Variants in PRMT9 observed in about 807,000 individuals in gnomAD.
PRMT9 encodes the protein protein arginine methyltransferase 9, also known as protein arginine N-methyltransferase 9.
A neutral mutation model predicts 83.2 loss-of-function variants in PRMT9; 59 were observed. The ratio of observed to expected loss-of-function variants is 0.71; its 90% CI spans 0.57 to 0.88. The LOEUF is 0.88. PRMT9 is among the 40% of genes least tolerant of loss of function. The probability of loss-of-function intolerance (pLI) is 0.00; values close to 1 mark genes in which losing one functional copy is unlikely to be tolerated. For synonymous variants in PRMT9, 333 were observed against 353.2 expected (o/e 0.94, Z 0.64); for missense variants, 947 against 1,021.9 (o/e 0.93, Z 1.00).
intron 2 of PRMT9, among the ~76,000 whole-genome samples, chr4:147,678,136 AGATT>A (rs1736217339): frequency 6.6e-6 from 1 of 152,232 alleles, no homozygotes; most frequent in Admixed American, 6.5e-5. Flanking sequence ...CAAAGGTAGC[AGATT>A]GATTGTTAAG....
At chr4:147,641,061 T>G (rs1733366508) in intron 10 of PRMT9, among the ~76,000 whole-genome samples, 2 of 152,188 alleles carry the variant, frequency 1.3e-5, no homozygotes, top group Admixed American at 1.3e-4. Flanking sequence ...CCACTTTCAC[T>G]GCTACCACTC....
chr4:147,681,345 C>T (rs1049432705), intron 1 of PRMT9, among the ~76,000 whole-genome samples: 4 of 152,348 alleles, frequency 2.6e-5, no homozygotes, highest in Middle Eastern at 3.4e-3. Context: ...CTGCATCTCC[C>T]TCCATCCATT....
intron 6 of PRMT9, among the ~76,000 whole-genome samples, chr4:147,665,260 A>C (rs1409103149): frequency 6.6e-6 from 1 of 152,050 alleles, no homozygotes; most frequent in Non-Finnish European, 1.5e-5. Flanking sequence ...CCATTGATTT[A>C]GGATCTATTG....
Position 147,683,947 on chromosome 4 carries a change from C to A in PRMT9, c.41G>T (p.Gly14Val), listed in dbSNP as rs770861513. The A allele has an allele frequency of 1.9e-6, 3 of 1,612,828 alleles. No homozygotes were observed. The highest frequency in any genetic ancestry group is 2.7e-5 in the African/African-American group (2 of 74,922). Residue 14 changes from glycine (G) to valine (V), a missense_variant, in exon 1 of 12, where the codon GGT (glycine) becomes GTT (valine). By Grantham distance (109) the Gly-to-Val change is moderately radical. Coordinates refer to ENST00000322396, the MANE Select transcript of PRMT9 (RefSeq NM_138364.4). ...SRPRSRRDAG[G>V]GAGAAGRDEL... ...GTCCCGGCCGGCTGCCCCAGCGCCA[C>A]CCCCGGCGTCTCGGCGGGACCTGGG...
rs745923861 is a variant in PRMT9, at chr4:147,683,935, G to A, written c.53C>T (p.Ala18Val). The A allele has an allele frequency of 6.2e-7, 1 of 1,612,894 alleles. No individual in the cohort carries two copies. The highest frequency in any genetic ancestry group is 1.1e-5 in the South Asian group (1 of 91,060). The change falls in exon 1 of 12, where the codon GCA (alanine) becomes GTA (valine). Residue 18 changes from alanine (A) to valine (V), a missense_variant. Ala to Val is a moderately conservative substitution (Grantham distance 64, BLOSUM62 0). Coordinates refer to ENST00000322396, the MANE Select transcript of PRMT9 (RefSeq NM_138364.4). ...CGACACCAGCTCGTCCCGGCCGGCT[G>A]CCCCAGCGCCACCCCCGGCGTCTCG... Reference protein sequence around the residue: ...SRRDAGGGAGAAGRDELVSRS... With the variant: ...SRRDAGGGAGVAGRDELVSRS...
At chr4:147,673,985 A>C in intron 2 of PRMT9, 111 bp from the exon 3 acceptor site, 1 of 830,700 alleles carries the variant, frequency 1.2e-6, no homozygotes. Flanking sequence ...AGCACCCCAA[A>C]TCCTGCCAAT....
chr4:147,654,624 C>G, intron 8 of PRMT9, 58 bp from the exon 9 acceptor site: 1 of 1,067,928 alleles, frequency 9.4e-7, no homozygotes. Flanking sequence ...CAGAGGATCA[C>G]ATAAACATCT....
In PRMT9 at chr4:147,675,381, A is replaced by G. The variant is rs1296574506; in HGVS notation, c.339-1507T>C. Among the ~76,000 whole-genome samples, 9 of 152,246 alleles carry G rather than the reference A, an allele frequency of 5.9e-5. No individual in the cohort carries two copies. In the East Asian group the frequency reaches 1.7e-3, roughly 29 times the overall value. On this transcript the variant is annotated intron_variant, in intron 2 of 11. Coordinates refer to ENST00000322396, the MANE Select transcript of PRMT9 (RefSeq NM_138364.4). ...CACTCTAACAAAAAACAATGGTCCT[A>G]TGTCAAATAAGAGACATTCATGATT...
At chr4:147,669,034 C>T (rs895022578) in intron 5 of PRMT9, among the ~76,000 whole-genome samples, 1 of 151,664 alleles carries the variant, frequency 6.6e-6, no homozygotes, top group South Asian at 2.1e-4. Context: ...TGCAGTGAGC[C>T]GAGATCACGC....
Position 147,657,853 on chromosome 4 carries a change from G to C in PRMT9, c.1269C>G (p.Ser423=), listed in dbSNP as rs1353430765. Residue 423 remains serine, a synonymous_variant, in exon 8 of 12, where the codon TCC becomes TCG. Coordinates refer to ENST00000322396, the MANE Select transcript of PRMT9 (RefSeq NM_138364.4). ...AACATGTTTCCTCACTAGGACTTGT[G>C]GATAAACTATGTTCATCATCAAGCT... ...VLQLDDEHSL[S]TSPSEETCWE... is the part of the protein sequence containing the mutation. 6.2e-7 allele frequency: 1 copy of C among 1,609,808 alleles called. No homozygotes were observed. The highest frequency in any genetic ancestry group is 8.5e-7 in the Non-Finnish European group (1 of 1,179,164).
chr4:147,664,424 A>C (rs1017295533), intron 6 of PRMT9, among the ~76,000 whole-genome samples: 1 of 152,170 alleles, frequency 6.6e-6, no homozygotes, highest in African/African-American at 2.4e-5. Context: ...CATGTCACTG[A>C]CATTTTTTAA....
chr4:147,664,309 CAT>C (rs775082613), intron 6 of PRMT9, among the ~76,000 whole-genome samples: 5 of 152,180 alleles, frequency 3.3e-5, no homozygotes, highest in Non-Finnish European at 5.9e-5. Flanking sequence ...TCAAAATATA[CAT>C]ATATAGTTTT....
At chr4:147,683,211 C>G (rs1401658813) in intron 1 of PRMT9, among the ~76,000 whole-genome samples, 1 of 152,186 alleles carries the variant, frequency 6.6e-6, no homozygotes, top group Non-Finnish European at 1.5e-5. Flanking sequence ...TCCAAAAGCC[C>G]TCAAGCCAGG....
chr4:147,681,783 TAAAAAAAAA>T (rs11291426), intron 1 of PRMT9, among the ~76,000 whole-genome samples: 1 of 143,118 alleles, frequency 7.0e-6, no homozygotes, highest in Non-Finnish European at 1.5e-5. Context: ...TGAGACTCTA[TAAAAAAAAA>T]AAAAACCCCG....
chr4:147,672,448 T>G (rs1403622595), intron 4 of PRMT9, among the ~76,000 whole-genome samples: 1 of 152,262 alleles, frequency 6.6e-6, no homozygotes. Context: ...CCTTGTGATA[T>G]GGATCGGAGT....
Position 147,683,880 on chromosome 4 carries a change from C to G in PRMT9, c.108G>C (p.Leu36=), listed in dbSNP as rs976737532. ...SRSLQSAEHC[L]GVQDFGTAYA... is the part of the protein sequence containing the mutation. ...AGGCAGTGCCGAAGTCCTGGACGCC[C>G]AGACAGTGCTCTGCGCTCTGCAAGG... The change falls in exon 1 of 12, where the codon CTG becomes CTC. Residue 36 remains leucine (L), a synonymous_variant. Coordinates refer to ENST00000322396, the MANE Select transcript of PRMT9 (RefSeq NM_138364.4). The G allele has an allele frequency of 3.7e-6, 6 of 1,613,558 alleles. No homozygotes were observed. The Admixed American group carries it at 6.7e-5, about 18-fold the overall frequency.
rs549158690 is a variant in PRMT9 at position 147,649,583 on chromosome 4, A to T, written c.2045+4269T>A. Among the ~76,000 whole-genome samples, 453 of 151,906 alleles carry T rather than the reference A, an allele frequency of 3.0e-3. 4 individuals carry two copies. The highest frequency in any genetic ancestry group is 4.8e-3 in the Non-Finnish European group (327 of 67,926). ...AATGGCGCGATCTCAGCTAACAGCA[A>T]CCTCTGCCTCCAGGGTTCAAGCGAT... On this transcript the variant is annotated intron_variant, in intron 9 of 11. Transcript: ENST00000322396.
At chr4:147,664,556 C>G (rs983559085) in intron 6 of PRMT9, among the ~76,000 whole-genome samples, 1 of 152,126 alleles carries the variant, frequency 6.6e-6, no homozygotes, top group Non-Finnish European at 1.5e-5. Context: ...ATCCTCAAAG[C>G]ATCAAATCTG....
chr4:147,642,711 TA>T (rs1234834776), intron 10 of PRMT9, 75 bp downstream of exon 10: 20 of 1,272,094 alleles, frequency 1.6e-5, no homozygotes, highest in Non-Finnish European at 2.3e-5. Context: ...TTAGCTAGAT[TA>T]AACAGTGACT....
Sources: gnomAD v4.1 joint callset for allele counts (sites outside exome capture counted in the v4.1 genomes callset) on GRCh38, gnomAD v4.1.1 for gene constraint, MANE v1.5 for transcripts, NCBI Gene and HGNC (gene_info 2026-07-23, HGNC 2026-07-21) for gene names.